CFAP300: variants seen among roughly 807,000 people sequenced by gnomAD.
CFAP300 encodes the protein cilia and flagella associated protein 300.
CFAP300 carries 32 observed loss-of-function variants against 33.0 expected under a neutral mutation model. That is an observed-to-expected ratio of 0.97 (90% CI 0.73 to 1.30). CFAP300 has a LOEUF of 1.30. Ranked by LOEUF, CFAP300 falls within the 50% of genes most tolerant of loss-of-function variation. CFAP300 has a pLI of 0.00. For synonymous variants in CFAP300, 102 were observed against 106.8 expected (o/e 0.95, Z 0.28); for missense variants, 356 against 318.1 (o/e 1.12, Z -0.90).
intron 6 of CFAP300, among the ~76,000 whole-genome samples, chr11:102,082,729 T>G (rs1419733218): frequency 1.3e-5 from 2 of 152,196 alleles, no homozygotes; most frequent in African/African-American, 4.8e-5. Context: ...CCGGGTGCTG[T>G]GTCTCAAGCC....
chr11:102,047,773 G>T, intron 1 of CFAP300, 42 bp from the exon 2 acceptor site: 1 of 1,605,080 alleles, frequency 6.2e-7, no homozygotes, highest in South Asian at 1.1e-5. Flanking sequence ...CTCTGAGAGG[G>T]TGCCAGCCCC....
At position 102,084,092 on chromosome 11, in the gene CFAP300, T is replaced by A. The variant is rs1942514031; in HGVS notation, c.*893T>A. 6.6e-6 allele frequency: 1 copy of A among 152,222 alleles called. No individual in the cohort carries two copies. The highest frequency in any genetic ancestry group is 2.4e-5 in the African/African-American group (1 of 41,470). 9.4% of individuals were successfully genotyped at this position (152,222 alleles called of 1,614,324 possible). Reference sequence around the variant, plus strand: ...ATTAAAACTGCAGCTGTCCCACGGCTAATACAAGAGCTACATGTAAACAGA... The same window carrying A: ...ATTAAAACTGCAGCTGTCCCACGGCAAATACAAGAGCTACATGTAAACAGA... On this transcript the variant is annotated 3_prime_UTR_variant, in exon 7 of 7. Coordinates refer to ENST00000434758, the MANE Select transcript of CFAP300 (RefSeq NM_032930.3).
At chr11:102,080,006 G>T (rs1233715804) in intron 5 of CFAP300, among the ~76,000 whole-genome samples, 1 of 152,166 alleles carries the variant, frequency 6.6e-6, no homozygotes. Flanking sequence ...TGGAGGCAGG[G>T]TGCAGTGGCC....
chr11:102,082,374 A>G lies in CFAP300; in HGVS notation c.676-697A>G, dbSNP rs1942486624. Among the ~76,000 whole-genome samples, 3 of 151,996 alleles carry G rather than the reference A, an allele frequency of 2.0e-5. No homozygotes were observed. In the South Asian group the frequency reaches 6.2e-4, roughly 32 times the overall value. Reference sequence around the variant, plus strand: ...AGACTGGGCAAAAGAGTAAGACTCCAACTCCAAAAAAAATTTAAAAAAAAA... The same window carrying G: ...AGACTGGGCAAAAGAGTAAGACTCCGACTCCAAAAAAAATTTAAAAAAAAA... On this transcript the variant is annotated intron_variant, in intron 6 of 6. Coordinates refer to ENST00000434758, the MANE Select transcript of CFAP300 (RefSeq NM_032930.3).
At chr11:102,062,724 T>TA (rs1205784795) in intron 3 of CFAP300, among the ~76,000 whole-genome samples, 1 of 152,214 alleles carries the variant, frequency 6.6e-6, no homozygotes, top group African/African-American at 2.4e-5. Context: ...AACCTATCCT[T>TA]ATTGTAAAAA....
At chr11:102,055,798 G>A (rs573616988) in intron 2 of CFAP300, among the ~76,000 whole-genome samples, 344 of 148,630 alleles carry the variant, frequency 2.3e-3, no homozygotes, top group South Asian at 0.011. Context: ...TCAGCCTCCC[G>A]AGTAGCTGGG....
intron 4 of CFAP300, among the ~76,000 whole-genome samples, chr11:102,070,736 T>C (rs1942302052): frequency 1.3e-5 from 2 of 152,200 alleles, no homozygotes; most frequent in Admixed American, 6.5e-5. Context: ...GGCATGGGTA[T>C]ATTATATTTC....
intron 2 of CFAP300, among the ~76,000 whole-genome samples, chr11:102,052,306 C>T (rs1338962252): frequency 6.6e-6 from 1 of 152,090 alleles, no homozygotes; most frequent in African/African-American, 2.4e-5. Flanking sequence ...TTTCAGAAGG[C>T]ATAAAATGCA....
Position 102,047,463 on chromosome 11 carries a change from A to AGAGCAC in CFAP300, c.-5_1dup, listed in dbSNP as rs1565385185. The AGAGCAC allele has an allele frequency of 3.9e-6, 6 of 1,535,252 alleles. No homozygotes were observed. The highest frequency in any genetic ancestry group is 5.2e-6 in the Non-Finnish European group (6 of 1,146,250). On this transcript the variant is annotated 5_prime_UTR_variant, in exon 1 of 7. Transcript: ENST00000434758. ...AACGGCCCAGGCATCCACCCAGCCGAGAGCACGATGGCTACTGGGGAGCTC... is the reference window on the plus strand; with the variant it reads ...AACGGCCCAGGCATCCACCCAGCCGAGAGCACGAGCACGATGGCTACTGGGGAGCTC...
chr11:102,049,151 T>C (rs1175508479), intron 2 of CFAP300, among the ~76,000 whole-genome samples: 1 of 152,254 alleles, frequency 6.6e-6, no homozygotes, highest in African/African-American at 2.4e-5. Flanking sequence ...TTCTGGAGGC[T>C]AGAAGTCTTA....
At chr11:102,065,681 C>A (rs918822251) in intron 3 of CFAP300, among the ~76,000 whole-genome samples, 1 of 151,534 alleles carries the variant, frequency 6.6e-6, no homozygotes, top group Non-Finnish European at 1.5e-5. Context: ...GCAGGAGAAT[C>A]GCTTGAACCA....
At chr11:102,060,831 T>C (rs1357046232) in intron 3 of CFAP300, among the ~76,000 whole-genome samples, 2 of 152,166 alleles carry the variant, frequency 1.3e-5, no homozygotes, top group Non-Finnish European at 2.9e-5. Context: ...GTAGGTCAGA[T>C]TTTATTGCTT....
At chr11:102,057,308 C>T (rs1313096173) in intron 2 of CFAP300, among the ~76,000 whole-genome samples, 5 of 148,098 alleles carry the variant, frequency 3.4e-5, no homozygotes, top group Non-Finnish European at 7.4e-5. Context: ...CACTGCACTC[C>T]ATCCTGGGCA....
chr11:102,065,464 C>T (rs893188576), intron 3 of CFAP300, among the ~76,000 whole-genome samples: 1 of 151,972 alleles, frequency 6.6e-6, no homozygotes, highest in African/African-American at 2.4e-5. Context: ...TTTACAAATG[C>T]TCATCAATTA....
chr11:102,076,616 G>A (rs867849769), intron 5 of CFAP300, among the ~76,000 whole-genome samples: 2 of 152,174 alleles, frequency 1.3e-5, no homozygotes, highest in Middle Eastern at 3.4e-3. Context: ...CTTTGGTTGG[G>A]TTTTTCAGTT....
At chr11:102,073,953 G>A (rs899223494) in intron 4 of CFAP300, among the ~76,000 whole-genome samples, 20 of 152,120 alleles carry the variant, frequency 1.3e-4, no homozygotes, top group Non-Finnish European at 2.5e-4. Flanking sequence ...CAGTGACAGC[G>A]GCCCCAGGTA....
Position 102,066,475 on chromosome 11 carries a change from C to G in CFAP300, c.269-10C>G. 6.4e-7 allele frequency: 1 copy of G among 1,550,746 alleles called. No individual in the cohort carries two copies. Among genetic ancestry groups the G allele is most frequent in the Non-Finnish European group, 8.7e-7 (1 of 1,147,340 alleles). On this transcript the variant is annotated splice_polypyrimidine_tract_variant and intron_variant, in intron 3 of 6. Transcript: ENST00000434758. ...TCTATCTCCATTCTTTATAAAATAT[C>G]TTTTTTCAGGAACTGAAGTGAAAAA... is the stretch of plus-strand genomic sequence containing the variant.
chr11:102,060,687 T>C (rs1341036432), intron 3 of CFAP300, among the ~76,000 whole-genome samples: 1 of 152,176 alleles, frequency 6.6e-6, no homozygotes, highest in Non-Finnish European at 1.5e-5. Flanking sequence ...ATTGGTGATA[T>C]GGATTTATAC....
chr11:102,071,168 T>C (rs1942308318), intron 4 of CFAP300, among the ~76,000 whole-genome samples: 2 of 152,212 alleles, frequency 1.3e-5, no homozygotes, highest in Non-Finnish European at 2.9e-5. Flanking sequence ...AGAGTCTGTC[T>C]CTTCTGTTAG....
Sources: gnomAD v4.1 joint callset for allele counts (sites outside exome capture counted in the v4.1 genomes callset) on GRCh38, gnomAD v4.1.1 for gene constraint, MANE v1.5 for transcripts, NCBI Gene and HGNC (gene_info 2026-07-23, HGNC 2026-07-21) for gene names.